PPP1R12A: variants seen among roughly 807,000 people sequenced by gnomAD.
The protein encoded by PPP1R12A is myosin binding subunit.
Under a neutral mutation model 139.6 loss-of-function variants are expected in PPP1R12A, and 19 were observed. The ratio of observed to expected loss-of-function variants is 0.14; its 90% CI spans 0.09 to 0.20. The LOEUF (loss-of-function observed/expected upper bound fraction) is 0.20. Among genes scored for constraint, PPP1R12A ranks in the 10% least tolerant of loss-of-function variants. The pLI, the probability that PPP1R12A is intolerant of heterozygous loss-of-function variation, is 1.00. For synonymous variants in PPP1R12A, 427 were observed against 420.6 expected (o/e 1.02, Z -0.19); for missense variants, 925 against 1,211.5 (o/e 0.76, Z 3.51).
At chr12:79,922,197 G>A (rs35469351) in intron 1 of PPP1R12A, among the ~76,000 whole-genome samples, 15,589 of 152,134 alleles carry the variant, frequency 0.1, 2,147 homozygotes, top group African/African-American at 0.32. Context: ...GGCAGTCGAA[G>A]CTGCAGTGAG....
chr12:79,818,938 C>T lies in PPP1R12A; in HGVS notation c.1115-1420G>A, dbSNP rs1875741821. On this transcript the variant is annotated intron_variant, in intron 8 of 24. Transcript: ENST00000450142. ...AGCTCTACAGGGAAATGGCTGCTTT[C>T]TCAAGCTTTCCAAATAAAGTATGAT... 2.6e-5 allele frequency: 4 copies of T among 152,200 alleles called. No individual in the cohort carries two copies. The South Asian group carries it at 8.3e-4, about 31-fold the overall frequency. The allele number at this position is 152,200 out of a possible 1,614,324, so 9.4% of individuals were successfully genotyped here.
chr12:79,846,593 CTCA>C (rs1393149841), intron 2 of PPP1R12A, among the ~76,000 whole-genome samples: 7 of 149,108 alleles, frequency 4.7e-5, no homozygotes, highest in African/African-American at 1.5e-4. Context: ...CTGCGCGTGG[CTCA>C]TTTTTTTTTT....
chr12:79,820,872 T>G lies in PPP1R12A; in HGVS notation c.1016A>C (p.Gln339Pro). The G allele has an allele frequency of 6.2e-7, 1 of 1,613,678 alleles. No homozygotes were observed. Among genetic ancestry groups the G allele is most frequent in the Non-Finnish European group, 8.5e-7 (1 of 1,179,782 alleles). Residue 339 changes from glutamine (Q) to proline (P), a missense_variant, in exon 8 of 25, where the codon CAA becomes CCA. Physicochemically the swap from Gln to Pro is moderately conservative, Grantham distance 76 (BLOSUM62 -1). This residue lies in a region of PPP1R12A where 403 missense variants were observed against 463.7 expected (regional missense o/e 0.87). Coordinates refer to ENST00000450142, the MANE Select transcript of PPP1R12A (RefSeq NM_002480.3). Reference protein sequence around the residue: ...KNASRIESLEQEKVDEEEEGK... With the variant: ...KNASRIESLEPEKVDEEEEGK... Reference sequence around the variant, plus strand: ...TTCTTCTTCTTCATCAACCTTTTCTTGTTCCAGAGATTCAATACGGGATGC... The same window carrying G: ...TTCTTCTTCTTCATCAACCTTTTCTGGTTCCAGAGATTCAATACGGGATGC...
At chr12:79,825,386 T>G (rs1436560926) in intron 5 of PPP1R12A, 2 of 152,104 alleles carry the variant, frequency 1.3e-5, no homozygotes, top group Non-Finnish European at 1.5e-5. Flanking sequence ...ATTAGATACA[T>G]TCTAGTAAAG....
chr12:79,888,010 TTGA>T (rs1185101562), intron 1 of PPP1R12A, among the ~76,000 whole-genome samples: 2 of 152,168 alleles, frequency 1.3e-5, no homozygotes, highest in African/African-American at 4.8e-5. Context: ...TAATTGTTTC[TTGA>T]TGAAACAGTG....
chr12:79,842,679 A>C (rs920216073), intron 3 of PPP1R12A, among the ~76,000 whole-genome samples: 1 of 152,098 alleles, frequency 6.6e-6, no homozygotes, highest in Non-Finnish European at 1.5e-5. Flanking sequence ...GTAGTAAAAT[A>C]AACATAAAAA....
Position 79,807,222 on chromosome 12 carries a change from T to C in PPP1R12A, c.1655+4A>G, listed in dbSNP as rs1873946211. The C allele has an allele frequency of 4.7e-6, 7 of 1,483,394 alleles. No homozygotes were observed. The highest frequency in any genetic ancestry group is 6.4e-6 in the Non-Finnish European group (7 of 1,092,550). The allele number at this position is 1,483,394 out of a possible 1,614,324, so 91.9% of individuals were successfully genotyped here. A position where few individuals can be genotyped will look rare whatever the true frequency, so the allele number is the denominator to read the frequency against. On this transcript the variant is annotated splice_donor_region_variant and intron_variant, in intron 12 of 24. Coordinates refer to ENST00000450142, the MANE Select transcript of PPP1R12A (RefSeq NM_002480.3). The stretch of plus-strand genomic sequence containing the variant: ...TAAAAACCGCTTAAGAATAGTATTA[T>C]TACCTTTTATGATACGTTGATCCTT...
chr12:79,813,834 A>G (rs986245819), intron 9 of PPP1R12A, among the ~76,000 whole-genome samples: 3 of 152,212 alleles, frequency 2.0e-5, no homozygotes, highest in African/African-American at 7.2e-5. Context: ...AAAGAAAATA[A>G]GCATGTAAAA....
chr12:79,861,582 C>T (rs1435558390), intron 2 of PPP1R12A, among the ~76,000 whole-genome samples: 3 of 152,134 alleles, frequency 2.0e-5, no homozygotes, highest in Non-Finnish European at 1.5e-5. Context: ...AGTGACCGTA[C>T]CTGGAGGAGC....
chr12:79,795,710 A>G lies in PPP1R12A; in HGVS notation c.2511T>C (p.Pro837=), dbSNP rs747353858. ...EEKEGEDKSQ[P]KSIRERRRPR... ...GTCGTCGTCGTTCTCTGATTGATTT[A>G]GGTTGTGATTTATCTTCTCCTTCTT... The change falls in exon 18 of 25, where the codon CCT becomes CCC. Residue 837 remains proline (P), a synonymous_variant. Coordinates refer to ENST00000450142, the MANE Select transcript of PPP1R12A (RefSeq NM_002480.3). 1.6e-5 allele frequency: 25 copies of G among 1,612,140 alleles called. No homozygotes were observed. The highest frequency in any genetic ancestry group is 2.0e-5 in the Non-Finnish European group (24 of 1,178,888).
At chr12:79,929,948 TC>T (rs1006528194) in intron 1 of PPP1R12A, among the ~76,000 whole-genome samples, 2 of 152,046 alleles carry the variant, frequency 1.3e-5, no homozygotes, top group African/African-American at 4.8e-5. Context: ...CTCTAAAACT[TC>T]CTATTGATGA....
At chr12:79,888,575 G>C (rs966118533) in intron 1 of PPP1R12A, among the ~76,000 whole-genome samples, 2 of 139,718 alleles carry the variant, frequency 1.4e-5, no homozygotes, top group Non-Finnish European at 3.0e-5. Context: ...ATGGAAAATA[G>C]AATTATAAGA....
At position 79,908,726 on chromosome 12, in the gene PPP1R12A, C is replaced by A. The variant is rs544524668; in HGVS notation, c.237+25969G>T. On this transcript the variant is annotated intron_variant, in intron 1 of 24. Transcript: ENST00000450142. ...ATACTAACAGAAGACCTGTGACCAG[C>A]TAGTTTGGTGTTAGATTTTAGTCAT... is the stretch of plus-strand genomic sequence containing the variant. Among the ~76,000 whole-genome samples, 8 of 152,240 alleles carry A rather than the reference C, an allele frequency of 5.3e-5. No individual in the cohort carries two copies. In the South Asian group the frequency reaches 1.7e-3, roughly 32 times the overall value.
chr12:79,818,632 A>C (rs1260883456), intron 8 of PPP1R12A, among the ~76,000 whole-genome samples: 1 of 152,094 alleles, frequency 6.6e-6, no homozygotes, highest in Non-Finnish European at 1.5e-5. Context: ...AAGTCCTAGA[A>C]GAAAGAACCC....
chr12:79,843,406 T>C (rs969869294), intron 3 of PPP1R12A, among the ~76,000 whole-genome samples: 5 of 151,672 alleles, frequency 3.3e-5, no homozygotes, highest in African/African-American at 1.2e-4. Context: ...TAAAACCCCA[T>C]CTCTACTAAA....
intron 1 of PPP1R12A, among the ~76,000 whole-genome samples, chr12:79,910,244 A>C (rs1320956581): frequency 6.6e-6 from 1 of 151,830 alleles, no homozygotes; most frequent in Non-Finnish European, 1.5e-5. Flanking sequence ...CTTTAGGAGG[A>C]TGAGGTGGGA....
chr12:79,796,863 A>G lies in PPP1R12A; in HGVS notation c.2380T>C (p.Ser794Pro), dbSNP rs767117889. The change falls in exon 17 of 25, where the codon TCA becomes CCA. Residue 794 changes from serine (S) to proline (P), a missense_variant. Transcript: ENST00000450142. ...LSTMSSSLYA[S>P]SQLNRPNSLV... ...CTATTTGGCCTGTTTAGTTGACTTG[A>G]AGCATACAGTGAACTGCTCATAGTA... 6.2e-7 allele frequency: 1 copy of G among 1,611,454 alleles called. No homozygotes were observed. The highest frequency in any genetic ancestry group is 1.1e-5 in the South Asian group (1 of 91,002).
At chr12:79,887,373 G>A (rs1001582975) in intron 1 of PPP1R12A, among the ~76,000 whole-genome samples, 22 of 151,960 alleles carry the variant, frequency 1.4e-4, no homozygotes, top group African/African-American at 5.3e-4. Flanking sequence ...ATTCCTGACA[G>A]TGCTATTTCA....
At chr12:79,779,739 G>A (rs1009023102) in intron 23 of PPP1R12A, 2 of 214,422 alleles carry the variant, frequency 9.3e-6, no homozygotes, top group East Asian at 1.0e-4. Context: ...TTTCTTCTGA[G>A]AGGTAATCTC....
Sources: gnomAD v4.1 joint callset for allele counts (sites outside exome capture counted in the v4.1 genomes callset) on GRCh38, gnomAD v4.1.1 for gene constraint, gnomAD v4.1.1 regional missense constraint, MANE v1.5 for transcripts, NCBI Gene and HGNC (gene_info 2026-07-23, HGNC 2026-07-21) for gene names.